The following RNF213 variants were observed in gnomAD, a reference collection of about 807,000 sequenced individuals.
RNF213 encodes the protein ring finger protein 213.
A neutral mutation model predicts 514.4 loss-of-function variants in RNF213; 341 were observed. The ratio of observed to expected loss-of-function variants is 0.66; its 90% confidence interval spans 0.61 to 0.73. The LOEUF (loss-of-function observed/expected upper bound fraction) is 0.73. RNF213 is among the 30% of genes least tolerant of loss of function. The pLI is 0.00. For synonymous variants in RNF213, 2,655 were observed against 2,658.2 expected, an observed-to-expected ratio of 1.00 and a Z score of 0.04; for missense variants, 5,767 against 6,615.6, an observed-to-expected ratio of 0.87 and a Z score of 4.45.
At position 80,353,788 on chromosome 17, in the gene RNF213, G is replaced by T; in HGVS notation, c.10578+122G>T. The T allele has an allele frequency of 7.3e-7, 1 of 1,372,592 alleles. No homozygotes were observed. The highest frequency in any genetic ancestry group is 1.0e-6 in the Non-Finnish European group (1 of 969,222). 85.0% of individuals were successfully genotyped at this position (1,372,592 alleles called of 1,614,324 possible). A position where few individuals can be genotyped will look rare whatever the true frequency, so the allele number is the denominator to read the frequency against. Reference sequence around the variant, plus strand: ...GCCGCTGTGCAGGGGTGAGGATGGCGCCCCACTTTCCTCACACAGTGACGG... The same window carrying T: ...GCCGCTGTGCAGGGGTGAGGATGGCTCCCCACTTTCCTCACACAGTGACGG... On this transcript the variant is annotated intron_variant, in intron 34 of 67. Coordinates refer to ENST00000582970, the MANE Select transcript of RNF213 (RefSeq NM_001256071.3). This position sits in a 1 kb window ranked among gnomAD's most constrained non-coding sequence, Gnocchi z 5.0.
chr17:80,377,091 C>T lies in RNF213; in HGVS notation c.13510+128C>T. The T allele has an allele frequency of 1.4e-6, 1 of 717,254 alleles. No homozygotes were observed. The allele number at this position is 717,254 out of a possible 1,614,324, so 44.4% of individuals were successfully genotyped here. On this transcript the variant is annotated intron_variant, in intron 53 of 67. Transcript: ENST00000582970. The surrounding 1 kb of genome is among the most constrained non-coding windows in gnomAD (Gnocchi z 4.1). Reference sequence around the variant, plus strand: ...CTCAGGGTCCAAAACCACCTGCATTCTACCGGTGGCGTCTGCAGAAGACGA... The same window carrying T: ...CTCAGGGTCCAAAACCACCTGCATTTTACCGGTGGCGTCTGCAGAAGACGA...
intron 28 of RNF213, 135 bp from the exon 29 acceptor site, chr17:80,344,543 A>C: frequency 1.0e-6 from 1 of 972,494 alleles, no homozygotes; most frequent in Non-Finnish European, 1.6e-6. Context: ...AAAAAAGACT[A>C]TACAGAAAGC....
At chr17:80,299,563 T>TTTATTTATTTA (rs1555648314) in intron 11 of RNF213, among the ~76,000 whole-genome samples, 7 of 152,024 alleles carry the variant, frequency 4.6e-5, no homozygotes, top group African/African-American at 1.7e-4. Flanking sequence ...TATTTATTTA[T>TTTATTTATTTA]TTATTTTTAA....
At chr17:80,361,987 G>C in intron 39 of RNF213, 99 bp downstream of exon 39, 1 of 1,400,036 alleles carries the variant, frequency 7.1e-7, no homozygotes, top group Non-Finnish European at 1.0e-6. Flanking sequence ...TGGAGCTGGT[G>C]CTGTGAAGTC....
At chr17:80,308,207 G>A (rs1032378660) in intron 13 of RNF213, among the ~76,000 whole-genome samples, 3 of 151,800 alleles carry the variant, frequency 2.0e-5, no homozygotes, top group Non-Finnish European at 4.4e-5. Flanking sequence ...TCCAGTCTTC[G>A]TTCACCTCCT....
chr17:80,360,396 A>G (rs2079010633), intron 38 of RNF213, 190 bp downstream of exon 38: 3 of 680,222 alleles, frequency 4.4e-6, no homozygotes, highest in South Asian at 1.7e-5. Context: ...TGAAGGAGTG[A>G]GAGGCCCCGG....
chr17:80,287,402 T>G (rs75223398), intron 3 of RNF213, among the ~76,000 whole-genome samples: 2,579 of 152,266 alleles, frequency 0.017, 79 homozygotes, highest in African/African-American at 0.059. Flanking sequence ...ACTCAAGAGG[T>G]TGATGGGGGA....
intron 11 of RNF213, among the ~76,000 whole-genome samples, chr17:80,301,892 C>T (rs1284425337): frequency 1.3e-5 from 2 of 152,252 alleles, no homozygotes; most frequent in East Asian, 1.9e-4. Context: ...AGTGTCCACC[C>T]GCAGATGAGT....
chr17:80,389,661 C>G (rs2080382560), intron 65 of RNF213, among the ~76,000 whole-genome samples, 167 bp from the exon 66 acceptor site: 2 of 152,206 alleles, frequency 1.3e-5, no homozygotes, highest in African/African-American at 2.4e-5. Context: ...CAGGAGGGAA[C>G]TGGTAGATAG....
At chr17:80,294,614 T>C in intron 8 of RNF213, 106 bp from the exon 9 acceptor site, 1 of 1,372,244 alleles carries the variant, frequency 7.3e-7, no homozygotes, top group Non-Finnish European at 1.0e-6. Flanking sequence ...CTCTGCCCCA[T>C]TTACTCCATA....
rs2045619660 is a variant in RNF213, at chr17:80,312,923, G to A, written c.2656-89G>A. ...GCCACTCCTTGAGCAGCCTGTGCCA[G>A]CAGGGAGGAGAGGAGGGGGTGCAGC... On this transcript the variant is annotated intron_variant, in intron 14 of 67. Transcript: ENST00000582970. 2.7e-6 allele frequency: 4 copies of A among 1,472,832 alleles called. No individual in the cohort carries two copies. In the Admixed American group the frequency reaches 6.8e-5, roughly 25 times the overall value. 91.2% of individuals were successfully genotyped at this position (1,472,832 alleles called of 1,614,324 possible).
intron 2 of RNF213, among the ~76,000 whole-genome samples, chr17:80,268,603 CTGTT>C (rs1179698748): frequency 6.6e-6 from 1 of 150,480 alleles, no homozygotes; most frequent in Non-Finnish European, 1.5e-5. Flanking sequence ...TCTCATCCAT[CTGTT>C]TGTCCATCCA....
chr17:80,361,941 A>C, intron 39 of RNF213, 53 bp downstream of exon 39: 1 of 1,571,860 alleles, frequency 6.4e-7, no homozygotes, highest in Non-Finnish European at 8.7e-7. Context: ...CATGATGGGG[A>C]CTGGATGCAG....
chr17:80,319,718 G>A, intron 17 of RNF213: 1 of 1,413,610 alleles, frequency 7.1e-7, no homozygotes, highest in East Asian at 2.6e-5. Context: ...AGCAAAATAT[G>A]TGAAATGGAA....
intron 3 of RNF213, among the ~76,000 whole-genome samples, chr17:80,283,093 C>T (rs1440549375): frequency 6.6e-6 from 1 of 152,122 alleles, no homozygotes; most frequent in Non-Finnish European, 1.5e-5. Flanking sequence ...AGCCTCACCC[C>T]CCGTAAAATT....
At chr17:80,349,961 G>T (rs769647534) in intron 30 of RNF213, 55 bp downstream of exon 30, 6 of 1,607,634 alleles carry the variant, frequency 3.7e-6, no homozygotes, top group Non-Finnish European at 4.3e-6. Flanking sequence ...CAGCCGTGTG[G>T]CTTCTGCGTG....
intron 20 of RNF213, among the ~76,000 whole-genome samples, chr17:80,330,519 G>A (rs369547876): frequency 5.9e-5 from 9 of 152,180 alleles, no homozygotes; most frequent in Admixed American, 1.3e-4. Context: ...CATCCCGTGC[G>A]TGGTCCTCCC....
Position 80,298,343 on chromosome 17 carries a change from C to G in RNF213, c.2035C>G (p.Leu679Val), listed in dbSNP as rs767526763. Residue 679 changes from leucine (L) to valine (V), a missense_variant, in exon 11 of 68, where the codon CTG (leucine) becomes GTG (valine). Physicochemically the swap from Leu to Val is conservative, Grantham distance 32. Around this residue, in one of 13 missense-constraint regions of RNF213, gnomAD observed 592 missense variants for 673.9 expected, o/e 0.88. Coordinates refer to ENST00000582970, the MANE Select transcript of RNF213 (RefSeq NM_001256071.3). ...PQSWRLYLVN[L>V]CQRCMDTRTY... Reference sequence around the variant, plus strand: ...CAGCTGGCGGCTGTACCTGGTGAACCTGTGCCAAAGATGCATGGACACAAG... The same window carrying G: ...CAGCTGGCGGCTGTACCTGGTGAACGTGTGCCAAAGATGCATGGACACAAG... 3 of 1,614,178 alleles carry G rather than the reference C, an allele frequency of 1.9e-6. No individual in the cohort carries two copies. In the Admixed American group the frequency reaches 5.0e-5, roughly 27 times the overall value.
intron 8 of RNF213, 134 bp downstream of exon 8, chr17:80,291,961 G>T: frequency 1.1e-6 from 1 of 902,698 alleles, no homozygotes; most frequent in South Asian, 1.4e-5. Flanking sequence ...CATTGACCCC[G>T]CCCCAGCCTC....
Sources: allele counts gnomAD v4.1 joint callset (sites outside exome capture counted in the v4.1 genomes callset), GRCh38; gene constraint gnomAD v4.1.1; regional missense constraint gnomAD v4.1.1; non-coding constraint Gnocchi (gnomAD v3.1); transcripts MANE v1.5; gene names NCBI Gene and HGNC (gene_info 2026-07-23, HGNC 2026-07-21).